The following NRXN1 variants were observed in gnomAD, a reference collection of about 807,000 sequenced individuals.
NRXN1 encodes the protein neurexin-1.
Under a neutral mutation model 150.9 loss-of-function variants are expected in NRXN1, and 39 were observed. The ratio of observed to expected loss-of-function variants is 0.26; its 90% CI spans 0.20 to 0.34. The LOEUF (loss-of-function observed/expected upper bound fraction) is 0.34. Ranked by LOEUF, NRXN1 falls within the 10% of genes least tolerant of loss-of-function variation. NRXN1 has a pLI of 1.00. For synonymous variants in NRXN1, 924 were observed against 757.0 expected (o/e 1.22, Z -3.62); for missense variants, 1,815 against 1,949.9 (o/e 0.93, Z 1.30).
chr2:50,699,870 A>G (rs919456899), intron 5 of NRXN1, among the ~76,000 whole-genome samples: 7 of 152,144 alleles, frequency 4.6e-5, no homozygotes, highest in African/African-American at 1.7e-4. Context: ...GGAAAGTAAT[A>G]AAGCACTCAT....
At chr2:50,178,055 C>T (rs1456167768) in intron 18 of NRXN1, among the ~76,000 whole-genome samples, 2 of 152,022 alleles carry the variant, frequency 1.3e-5, no homozygotes, top group African/African-American at 4.8e-5. Context: ...CTAGAAGATA[C>T]ATGTATTCTC....
chr2:50,760,970 C>T (rs945704366), intron 5 of NRXN1, among the ~76,000 whole-genome samples: 10 of 151,916 alleles, frequency 6.6e-5, no homozygotes, highest in Non-Finnish European at 1.5e-4. Context: ...GTCTTGTTCT[C>T]TTTAACCATG....
At chr2:49,935,379 C>A (rs562845448) in intron 22 of NRXN1, among the ~76,000 whole-genome samples, 1 of 152,030 alleles carries the variant, frequency 6.6e-6, no homozygotes, top group Admixed American at 6.6e-5. Flanking sequence ...TTTCTTTCTC[C>A]TATTTTTTTT....
intron 15 of NRXN1, among the ~76,000 whole-genome samples, chr2:50,484,489 C>T (rs924168564): frequency 1.1e-4 from 16 of 152,174 alleles, no homozygotes; most frequent in African/African-American, 3.9e-4. Context: ...TTCCTAAAGG[C>T]TAAGGAAATT....
At chr2:50,588,450 T>C (rs1673533640) in intron 8 of NRXN1, among the ~76,000 whole-genome samples, 1 of 152,094 alleles carries the variant, frequency 6.6e-6, no homozygotes, top group Non-Finnish European at 1.5e-5. Flanking sequence ...GTATAAACAT[T>C]GTGACAGTAT....
chr2:50,139,284 C>T (rs1011910231), intron 18 of NRXN1, among the ~76,000 whole-genome samples: 65 of 148,186 alleles, frequency 4.4e-4, no homozygotes, highest in Admixed American at 2.8e-3. Context: ...TGAGATTGTG[C>T]CACTGCACTC....
chr2:50,299,820 C>A (rs1196604560), intron 17 of NRXN1, among the ~76,000 whole-genome samples: 1 of 152,116 alleles, frequency 6.6e-6, no homozygotes, highest in African/African-American at 2.4e-5. Context: ...CTTAGGCTAA[C>A]AAACAGTCTA....
At chr2:50,514,255 T>C (rs1014152610) in intron 12 of NRXN1, among the ~76,000 whole-genome samples, 3 of 152,190 alleles carry the variant, frequency 2.0e-5, no homozygotes, top group Non-Finnish European at 2.9e-5. Context: ...TATGTATAAA[T>C]TGGTTCTATA....
chr2:49,980,904 T>C (rs979054860), intron 21 of NRXN1, among the ~76,000 whole-genome samples: 3 of 152,208 alleles, frequency 2.0e-5, no homozygotes, highest in East Asian at 3.9e-4. Flanking sequence ...ACCTCCCCAA[T>C]TGCTTGACAA....
chr2:50,189,968 A>G (rs1334203046), intron 18 of NRXN1, among the ~76,000 whole-genome samples: 1 of 152,156 alleles, frequency 6.6e-6, no homozygotes, highest in African/African-American at 2.4e-5. Flanking sequence ...ACAATATACA[A>G]TCATCTTGAA....
At chr2:50,414,867 A>G (rs1239055063) in intron 17 of NRXN1, among the ~76,000 whole-genome samples, 2 of 152,160 alleles carry the variant, frequency 1.3e-5, no homozygotes, top group East Asian at 3.9e-4. Context: ...TTGAGAAGGG[A>G]GACTATGTTG....
intron 18 of NRXN1, among the ~76,000 whole-genome samples, chr2:50,106,019 T>C (rs1701591236): frequency 6.6e-6 from 1 of 151,946 alleles, no homozygotes; most frequent in South Asian, 2.1e-4. Context: ...TTTCAGATTA[T>C]GATTAGAAAT....
chr2:50,642,574 G>C (rs1050544077), intron 5 of NRXN1, among the ~76,000 whole-genome samples: 3 of 151,866 alleles, frequency 2.0e-5, no homozygotes, highest in Non-Finnish European at 4.4e-5. Flanking sequence ...AAAAGAAAAA[G>C]GAATTCCTTA....
At chr2:50,317,654 A>C (rs1404736739) in intron 17 of NRXN1, among the ~76,000 whole-genome samples, 1 of 151,836 alleles carries the variant, frequency 6.6e-6, no homozygotes, top group African/African-American at 2.4e-5. Context: ...TAATCACAGA[A>C]AAAAACGTCT....
At chr2:50,989,016 T>C (rs751993418) in intron 2 of NRXN1, among the ~76,000 whole-genome samples, 5 of 151,956 alleles carry the variant, frequency 3.3e-5, no homozygotes, top group Non-Finnish European at 5.9e-5. Flanking sequence ...CCCCTATTTT[T>C]CTTTTTTAAA....
chr2:50,926,392 TAAAG>T (rs1686892284), intron 2 of NRXN1, among the ~76,000 whole-genome samples: 1 of 151,978 alleles, frequency 6.6e-6, no homozygotes, highest in South Asian at 2.1e-4. Context: ...AAATTTCACT[TAAAG>T]ATATTCCAGT....
At chr2:50,083,852 A>C in intron 19 of NRXN1, among the ~76,000 whole-genome samples, 1 of 152,188 alleles carries the variant, frequency 6.6e-6, no homozygotes, top group Non-Finnish European at 1.5e-5. Context: ...AGCTAGATAC[A>C]GAGTGCTGAT....
At chr2:50,648,493 T>C (rs1462308376) in intron 5 of NRXN1, among the ~76,000 whole-genome samples, 1 of 152,014 alleles carries the variant, frequency 6.6e-6, no homozygotes, top group East Asian at 1.9e-4. Flanking sequence ...TATCATAGGC[T>C]TGTCTTCTGC....
At chr2:50,684,394 T>C (rs1431635713) in intron 5 of NRXN1, among the ~76,000 whole-genome samples, 3 of 151,950 alleles carry the variant, frequency 2.0e-5, no homozygotes, top group Admixed American at 6.6e-5. Context: ...TCCCAGCTAC[T>C]AGGAGGCTAA....
Sources: allele counts gnomAD v4.1 joint callset (sites outside exome capture counted in the v4.1 genomes callset), GRCh38; gene constraint gnomAD v4.1.1; transcripts MANE v1.5; gene names NCBI Gene and HGNC (gene_info 2026-07-23, HGNC 2026-07-21).